Variants in SLC24A2 observed in about 807,000 individuals in gnomAD.
SLC24A2 encodes sodium/potassium/calcium exchanger 2.
SLC24A2 carries 36 observed loss-of-function variants against 62.0 expected under a neutral mutation model. The observed-to-expected ratio is 0.58, with a 90% CI of 0.44 to 0.77. SLC24A2 has a LOEUF of 0.77. Among genes scored for constraint, SLC24A2 ranks in the 30% least tolerant of loss-of-function variants. The probability of loss-of-function intolerance (pLI) is 0.00; values close to 1 mark genes in which losing one functional copy is unlikely to be tolerated. For synonymous variants in SLC24A2, 358 were observed against 294.0 expected (o/e 1.22, Z -2.23); for missense variants, 846 against 817.9 (o/e 1.03, Z -0.42).
At chr9:19,662,740 A>C (rs1819138456) in intron 2 of SLC24A2, among the ~76,000 whole-genome samples, 1 of 152,210 alleles carries the variant, frequency 6.6e-6, no homozygotes, top group Non-Finnish European at 1.5e-5. Flanking sequence ...ACCTGTTTTC[A>C]AAAAGCACCC....
At chr9:19,924,131 G>A in the SLC24A2 span, among the ~76,000 whole-genome samples, 3 of 152,204 alleles carry the variant, frequency 2.0e-5, no homozygotes, top group African/African-American at 7.2e-5. Flanking sequence ...AGAGCAGCTG[G>A]CTGTACAATT....
chr9:19,709,690 G>A (rs1463070291), intron 2 of SLC24A2, among the ~76,000 whole-genome samples: 1 of 145,776 alleles, frequency 6.9e-6, no homozygotes, highest in Non-Finnish European at 1.5e-5. Context: ...TCACTCATAG[G>A]TGCTGAACAA....
the SLC24A2 span, among the ~76,000 whole-genome samples, chr9:20,139,719 C>T: frequency 6.6e-6 from 1 of 152,166 alleles, no homozygotes; most frequent in Admixed American, 6.5e-5. Flanking sequence ...ATACAGGAAC[C>T]AATGCTCTCC....
At chr9:19,720,314 C>G (rs1398549158) in intron 2 of SLC24A2, among the ~76,000 whole-genome samples, 1 of 152,174 alleles carries the variant, frequency 6.6e-6, no homozygotes, top group African/African-American at 2.4e-5. Flanking sequence ...GTGTGCCCCA[C>G]AAAACCCAAC....
chr9:19,977,336 C>T, the SLC24A2 span, among the ~76,000 whole-genome samples: 52 of 152,014 alleles, frequency 3.4e-4, 1 homozygote, highest in East Asian at 9.1e-3. Flanking sequence ...AACTGAAGTG[C>T]GTATTGAATA....
intron 2 of SLC24A2, among the ~76,000 whole-genome samples, chr9:19,674,267 T>A (rs1161976640): frequency 4.6e-5 from 7 of 152,320 alleles, no homozygotes; most frequent in Non-Finnish European, 1.0e-4. Flanking sequence ...CTTTTATAGG[T>A]TACCTGGTGC....
chr9:19,636,315 T>TTTTCTTTTCTTTTCTTCCTTTC, intron 2 of SLC24A2, among the ~76,000 whole-genome samples: 2 of 40,328 alleles, frequency 5.0e-5, no homozygotes, highest in Non-Finnish European at 9.4e-5. Flanking sequence ...TTTTCTTTTC[T>TTTTCTTTTCTTTTCTTCCTTTC]TTTCTTTCTT....
chr9:19,574,963 C>CT (rs952066316), intron 6 of SLC24A2, among the ~76,000 whole-genome samples: 15 of 151,448 alleles, frequency 9.9e-5, no homozygotes, highest in South Asian at 4.2e-4. Flanking sequence ...TAAGAATGTG[C>CT]TTTTTTTTTC....
At chr9:20,160,479 A>T in the SLC24A2 span, among the ~76,000 whole-genome samples, 1 of 151,402 alleles carries the variant, frequency 6.6e-6, no homozygotes, top group South Asian at 2.1e-4. Flanking sequence ...TATAATAGAA[A>T]ATATACCTTC....
the SLC24A2 span, among the ~76,000 whole-genome samples, chr9:20,167,045 G>A: frequency 1.3e-5 from 2 of 151,730 alleles, no homozygotes; most frequent in East Asian, 1.9e-4. Flanking sequence ...GAACTCCTAG[G>A]CCCAAGCAAT....
chr9:19,586,189 A>G (rs147854299), intron 5 of SLC24A2, among the ~76,000 whole-genome samples: 3 of 152,102 alleles, frequency 2.0e-5, no homozygotes, highest in Non-Finnish European at 4.4e-5. Flanking sequence ...CCTGATACCT[A>G]TCCTATCACG....
chr9:20,305,558 GGGAA>G, the SLC24A2 span, among the ~76,000 whole-genome samples: 4 of 152,150 alleles, frequency 2.6e-5, no homozygotes, highest in Non-Finnish European at 5.9e-5. Context: ...AAAATGGGAG[GGGAA>G]GGGAGACTGA....
the SLC24A2 span, among the ~76,000 whole-genome samples, chr9:20,030,864 A>C: frequency 1.3e-5 from 2 of 152,058 alleles, no homozygotes; most frequent in Non-Finnish European, 2.9e-5. Flanking sequence ...AGTATCCCTT[A>C]ATATGTCATT....
the SLC24A2 span, among the ~76,000 whole-genome samples, chr9:20,212,193 A>T: frequency 1.4e-4 from 21 of 151,866 alleles, no homozygotes; most frequent in Non-Finnish European, 2.9e-4. Flanking sequence ...GTAAAAAGGA[A>T]AATTCAAGAC....
intron 2 of SLC24A2, among the ~76,000 whole-genome samples, chr9:19,751,309 AG>A (rs1262324609): frequency 6.6e-6 from 1 of 152,224 alleles, no homozygotes; most frequent in Non-Finnish European, 1.5e-5. Context: ...AGAGAAAGAA[AG>A]CAAGGCAGAG....
At chr9:19,572,426 T>C (rs1042842650) in intron 7 of SLC24A2, among the ~76,000 whole-genome samples, 2 of 152,162 alleles carry the variant, frequency 1.3e-5, no homozygotes, top group African/African-American at 2.4e-5. Context: ...TGGGAGGTGA[T>C]TGAATCTGGG....
chr9:19,807,807 C>T, the SLC24A2 span, among the ~76,000 whole-genome samples: 1 of 152,184 alleles, frequency 6.6e-6, no homozygotes, highest in Non-Finnish European at 1.5e-5. Context: ...AGTTCTAGCA[C>T]TGTGACTCTG....
chr9:20,117,949 T>A, the SLC24A2 span, among the ~76,000 whole-genome samples: 2 of 151,928 alleles, frequency 1.3e-5, no homozygotes, highest in African/African-American at 4.8e-5. Flanking sequence ...CTAGTAAGAG[T>A]CAGTGTCATA....
chr9:20,098,860 C>G, the SLC24A2 span, among the ~76,000 whole-genome samples: 1 of 152,184 alleles, frequency 6.6e-6, no homozygotes, highest in Non-Finnish European at 1.5e-5. Context: ...TAACTCTGGT[C>G]TAGTATTTTC....
Sources: gnomAD v4.1 joint callset for allele counts (sites outside exome capture counted in the v4.1 genomes callset) on GRCh38, gnomAD v4.1.1 for gene constraint, MANE v1.5 for transcripts, NCBI Gene and HGNC (gene_info 2026-07-23, HGNC 2026-07-21) for gene names.